Variants in DCDC2 observed in about 807,000 individuals in gnomAD.
The protein encoded by DCDC2 is doublecortin domain containing 2, also known as doublecortin domain-containing protein 2.
A neutral mutation model predicts 50.2 loss-of-function variants in DCDC2; 40 were observed. That is an observed-to-expected ratio of 0.80 (90% CI 0.62 to 1.04). The LOEUF (loss-of-function observed/expected upper bound fraction) is 1.04. Among genes scored for constraint, DCDC2 ranks in the 50% least tolerant of loss-of-function variants. DCDC2 has a pLI of 0.00. For missense variants in DCDC2, 570 were observed against 581.9 expected (o/e 0.98, Z 0.21); for synonymous variants, 234 against 210.6 (o/e 1.11, Z -0.96).
chr6:24,322,425 C>A (rs1036778817), intron 2 of DCDC2, among the ~76,000 whole-genome samples: 3 of 151,872 alleles, frequency 2.0e-5, no homozygotes, highest in Admixed American at 2.0e-4. Flanking sequence ...TTGAAATTGC[C>A]CTGCAAAGTC....
chr6:24,208,106 G>A (rs1761763737), intron 7 of DCDC2, among the ~76,000 whole-genome samples: 1 of 152,044 alleles, frequency 6.6e-6, no homozygotes, highest in Non-Finnish European at 1.5e-5. Flanking sequence ...ATCAAATGGA[G>A]CGATTTCAGT....
At chr6:24,184,661 A>G (rs2791970) in intron 8 of DCDC2, among the ~76,000 whole-genome samples, 147,088 of 152,164 alleles carry the variant, frequency 0.97, 71,102 homozygotes, top group East Asian at 1. Context: ...GATCTAGGAA[A>G]GAAACATTAT....
At chr6:24,312,211 C>T (rs1185888367) in intron 2 of DCDC2, among the ~76,000 whole-genome samples, 1 of 151,596 alleles carries the variant, frequency 6.6e-6, no homozygotes, top group East Asian at 1.9e-4. Flanking sequence ...CTCACCCCAT[C>T]TCCCTTTGCT....
the DCDC2 span, among the ~76,000 whole-genome samples, chr6:24,369,133 C>CAAAAAA: frequency 7.3e-4 from 68 of 92,774 alleles, no homozygotes; most frequent in African/African-American, 2.8e-3. Flanking sequence ...GACTCTGTCT[C>CAAAAAA]AAAAAAAAAA....
chr6:24,359,392 T>G (rs1223417098), upstream of DCDC2, among the ~76,000 whole-genome samples: 1 of 77,966 alleles, frequency 1.3e-5, no homozygotes, highest in Non-Finnish European at 2.2e-5. Context: ...ATATATTATA[T>G]ATTATATATA....
chr6:24,275,866 A>ATTTGTT (rs528147769), intron 7 of DCDC2, among the ~76,000 whole-genome samples: 22 of 108,114 alleles, frequency 2.0e-4, no homozygotes, highest in African/African-American at 7.5e-4. Flanking sequence ...CAATAATTCA[A>ATTTGTT]TTTTTTTTTT....
chr6:24,319,048 A>G (rs138067647), intron 2 of DCDC2, among the ~76,000 whole-genome samples: 32 of 152,238 alleles, frequency 2.1e-4, no homozygotes, highest in African/African-American at 7.5e-4. Context: ...ATTCCCACCA[A>G]CAGTGTATAA....
Position 24,252,075 on chromosome 6 carries a change from T to C in DCDC2, c.922+25974A>G, listed in dbSNP as rs577596243. ...ACATCGTCCTCTCCAGCCAAAGTAATTTATGAAATACAAACACAAAGTAGT... is the reference window on the plus strand; with the variant it reads ...ACATCGTCCTCTCCAGCCAAAGTAACTTATGAAATACAAACACAAAGTAGT... On this transcript the variant is annotated intron_variant, in intron 7 of 9. Coordinates refer to ENST00000378454, the MANE Select transcript of DCDC2 (RefSeq NM_016356.5). Among the ~76,000 whole-genome samples the C allele has an allele frequency of 5.3e-5, 8 of 152,314 alleles. No individual in the cohort carries two copies. The East Asian group carries it at 1.5e-3, about 29-fold the overall frequency.
At chr6:24,275,005 T>C (rs1034031813) in intron 7 of DCDC2, among the ~76,000 whole-genome samples, 3 of 151,830 alleles carry the variant, frequency 2.0e-5, no homozygotes, top group Admixed American at 2.0e-4. Flanking sequence ...GAAAAAGCCA[T>C]GTAAATTTTA....
chr6:24,284,782 T>C (rs555298500), intron 6 of DCDC2, among the ~76,000 whole-genome samples: 13 of 152,244 alleles, frequency 8.5e-5, no homozygotes, highest in Admixed American at 2.0e-4. Flanking sequence ...CCTCCTCACA[T>C]GCCAGGCTCT....
At chr6:24,234,405 C>T (rs920980971) in intron 7 of DCDC2, among the ~76,000 whole-genome samples, 14 of 152,046 alleles carry the variant, frequency 9.2e-5, no homozygotes, top group Non-Finnish European at 1.8e-4. Context: ...AAGCCAATGG[C>T]GGGTTTGCAG....
At chr6:24,230,356 C>T (rs1480021283) in intron 7 of DCDC2, among the ~76,000 whole-genome samples, 1 of 152,016 alleles carries the variant, frequency 6.6e-6, no homozygotes, top group Non-Finnish European at 1.5e-5. Context: ...AATAAAGACT[C>T]GAGAGCCAGG....
chr6:24,208,363 C>CCT (rs1761771307), intron 7 of DCDC2, among the ~76,000 whole-genome samples: 2 of 84,404 alleles, frequency 2.4e-5, no homozygotes. Flanking sequence ...CTCTGTGCTA[C>CCT]TTTTTTTTTT....
chr6:24,176,100 C>T (rs1168373103), intron 9 of DCDC2, among the ~76,000 whole-genome samples: 1 of 151,866 alleles, frequency 6.6e-6, no homozygotes, highest in African/African-American at 2.4e-5. Context: ...AAAAACCAGC[C>T]TGTGCAACAC....
intron 8 of DCDC2, among the ~76,000 whole-genome samples, chr6:24,200,590 A>T (rs1453411459): frequency 1.3e-5 from 2 of 152,222 alleles, no homozygotes; most frequent in African/African-American, 4.8e-5. Flanking sequence ...CTAAGAAGAA[A>T]CTAACGGGCA....
intron 7 of DCDC2, among the ~76,000 whole-genome samples, chr6:24,213,455 TAAG>T (rs1581590318): frequency 6.6e-6 from 1 of 152,022 alleles, no homozygotes; most frequent in East Asian, 1.9e-4. Context: ...AATAATATCC[TAAG>T]AAGAAAAAAA....
At chr6:24,209,449 A>G (rs1034384406) in intron 7 of DCDC2, among the ~76,000 whole-genome samples, 8 of 152,174 alleles carry the variant, frequency 5.3e-5, no homozygotes, top group Middle Eastern at 3.2e-3. Context: ...TTTGTCCCCA[A>G]TGAGACACAG....
intron 8 of DCDC2, among the ~76,000 whole-genome samples, chr6:24,196,564 G>A (rs963828762): frequency 1.3e-5 from 2 of 152,166 alleles, no homozygotes; most frequent in Non-Finnish European, 2.9e-5. Flanking sequence ...GGAATTACAG[G>A]TGCCTGTCAC....
intron 7 of DCDC2, among the ~76,000 whole-genome samples, chr6:24,222,102 G>C (rs529440854): frequency 1.4e-5 from 1 of 73,554 alleles, no homozygotes; most frequent in Non-Finnish European, 3.4e-5. Flanking sequence ...TGGGGAAAAG[G>C]TGAGAAAAAG....
Sources: allele counts gnomAD v4.1 joint callset (sites outside exome capture counted in the v4.1 genomes callset), GRCh38; gene constraint gnomAD v4.1.1; transcripts MANE v1.5; gene names NCBI Gene and HGNC (gene_info 2026-07-23, HGNC 2026-07-21).